The following XKR6 variants were observed in gnomAD, a reference collection of about 807,000 sequenced individuals.
The protein encoded by XKR6 is XK related 6.
In XKR6, 22 loss-of-function variants were observed where a neutral mutation model predicts 56.7. The ratio of observed to expected loss-of-function variants is 0.39; its 90% confidence interval spans 0.28 to 0.55. XKR6 has a LOEUF of 0.55. Ranked by LOEUF, XKR6 falls within the 20% of genes least tolerant of loss-of-function variation. The pLI is 0.66. For synonymous variants in XKR6, 524 were observed against 387.8 expected, an observed-to-expected ratio of 1.35 and a Z score of -4.13; for missense variants, 852 against 889.0, an observed-to-expected ratio of 0.96 and a Z score of 0.53.
intron 1 of XKR6, among the ~76,000 whole-genome samples, chr8:11,110,800 T>A (rs960536926): frequency 6.6e-6 from 1 of 152,078 alleles, no homozygotes; most frequent in African/African-American, 2.4e-5. Context: ...AGCCCACAGT[T>A]TTAAATAGCA....
chr8:11,188,147 T>C (rs1254160945), intron 1 of XKR6, among the ~76,000 whole-genome samples: 5 of 152,004 alleles, frequency 3.3e-5, no homozygotes, highest in African/African-American at 1.2e-4. Context: ...AGATAGTGAG[T>C]TGAAATGCCA....
intron 1 of XKR6, among the ~76,000 whole-genome samples, chr8:10,925,628 T>G (rs370699286): frequency 1.5e-3 from 231 of 152,188 alleles, no homozygotes; most frequent in African/African-American, 4.9e-3. Flanking sequence ...GGTTCACAGG[T>G]CAAGCAGGCC....
intron 1 of XKR6, among the ~76,000 whole-genome samples, chr8:11,076,888 G>T (rs1241141773): frequency 2.0e-5 from 3 of 152,182 alleles, no homozygotes; most frequent in Non-Finnish European, 1.5e-5. Context: ...TCAAAGCATG[G>T]AGAGCTGGCT....
At chr8:11,176,673 G>T (rs967013039) in intron 1 of XKR6, among the ~76,000 whole-genome samples, 1 of 152,086 alleles carries the variant, frequency 6.6e-6, no homozygotes, top group Non-Finnish European at 1.5e-5. Context: ...GCCACTCTGG[G>T]TGTCATGGTG....
intron 1 of XKR6, among the ~76,000 whole-genome samples, chr8:11,151,096 C>A (rs182903425): frequency 6.6e-6 from 1 of 152,202 alleles, no homozygotes; most frequent in Admixed American, 6.5e-5. Context: ...AAATGTGCCC[C>A]TTTTACCACA....
intron 1 of XKR6, among the ~76,000 whole-genome samples, chr8:10,944,545 G>A (rs11783749): frequency 0.52 from 78,999 of 151,958 alleles, 21,817 homozygotes; most frequent in African/African-American, 0.63. Flanking sequence ...ACTCCCTCAG[G>A]ACCACTCAAA....
intron 1 of XKR6, among the ~76,000 whole-genome samples, chr8:10,981,167 G>C (rs777215146): frequency 5.9e-5 from 9 of 152,206 alleles, no homozygotes; most frequent in Non-Finnish European, 8.8e-5. Flanking sequence ...CAAAGGAACA[G>C]CTCTTGCAAT....
intron 1 of XKR6, among the ~76,000 whole-genome samples, chr8:11,135,868 G>C (rs916572455): frequency 2.6e-5 from 4 of 151,918 alleles, no homozygotes; most frequent in African/African-American, 9.7e-5. Context: ...ATACAGAAAA[G>C]TACATTTTTA....
chr8:11,117,655 G>C (rs1373265732), intron 1 of XKR6, among the ~76,000 whole-genome samples: 1 of 151,958 alleles, frequency 6.6e-6, no homozygotes, highest in Admixed American at 6.5e-5. Context: ...TACATTTTAA[G>C]GCACATGAAG....
intron 1 of XKR6, among the ~76,000 whole-genome samples, chr8:11,066,467 C>T (rs1477489022): frequency 6.6e-6 from 1 of 152,230 alleles, no homozygotes; most frequent in Non-Finnish European, 1.5e-5. Context: ...GTTCTGCCTC[C>T]TGGCAGGCTC....
At chr8:10,994,699 G>T (rs1455510511) in intron 1 of XKR6, among the ~76,000 whole-genome samples, 1 of 152,128 alleles carries the variant, frequency 6.6e-6, no homozygotes, top group Non-Finnish European at 1.5e-5. Flanking sequence ...TTAATCAGCA[G>T]AACAGCTATG....
intron 1 of XKR6, among the ~76,000 whole-genome samples, chr8:10,954,155 T>G (rs952641084): frequency 6.6e-6 from 1 of 152,228 alleles, no homozygotes; most frequent in African/African-American, 2.4e-5. Context: ...GGACATATGT[T>G]TTCAATTCTC....
intron 1 of XKR6, among the ~76,000 whole-genome samples, chr8:11,103,954 G>C (rs554184790): frequency 6.6e-6 from 1 of 152,162 alleles, no homozygotes; most frequent in Non-Finnish European, 1.5e-5. Context: ...GACAGCTGTC[G>C]TACCCTTGGG....
chr8:11,063,461 T>C (rs980829661), intron 1 of XKR6, among the ~76,000 whole-genome samples: 71 of 148,054 alleles, frequency 4.8e-4, no homozygotes, highest in Admixed American at 1.4e-3. Flanking sequence ...TCTCACCATC[T>C]CACCTCTGCA....
chr8:11,134,361 G>T (rs17152902), intron 1 of XKR6, among the ~76,000 whole-genome samples: 23,003 of 152,094 alleles, frequency 0.15, 2,655 homozygotes, highest in African/African-American at 0.32. Flanking sequence ...TAACAAAAAT[G>T]AAAATATCTG....
intron 2 of XKR6, among the ~76,000 whole-genome samples, chr8:10,908,824 A>C (rs1800260601): frequency 6.6e-6 from 1 of 152,162 alleles, no homozygotes; most frequent in South Asian, 2.1e-4. Context: ...TGGTGCAGTT[A>C]ACACAGAAGT....
chr8:11,087,029 G>A (rs1384462264), intron 1 of XKR6, among the ~76,000 whole-genome samples: 1 of 152,110 alleles, frequency 6.6e-6, no homozygotes, highest in African/African-American at 2.4e-5. Flanking sequence ...TGACGTGTGG[G>A]CAAGTAGAAT....
chr8:11,181,824 T>C (rs1420057829), intron 1 of XKR6, among the ~76,000 whole-genome samples: 2 of 152,188 alleles, frequency 1.3e-5, no homozygotes, highest in African/African-American at 4.8e-5. Flanking sequence ...CCCTATGACA[T>C]AGTATCTTCT....
intron 2 of XKR6, among the ~76,000 whole-genome samples, chr8:10,901,666 G>A (rs1800039596): frequency 6.6e-6 from 1 of 152,166 alleles, no homozygotes; most frequent in South Asian, 2.1e-4. Context: ...GTGGGAAGAA[G>A]GCTTGATTGT....
Sources: allele counts gnomAD v4.1 joint callset (sites outside exome capture counted in the v4.1 genomes callset), GRCh38; gene constraint gnomAD v4.1.1; transcripts MANE v1.5; gene names NCBI Gene and HGNC (gene_info 2026-07-23, HGNC 2026-07-21).